EXOC2: variants seen among roughly 807,000 people sequenced by gnomAD.
EXOC2 encodes the protein exocyst complex component 2.
EXOC2 carries 70 observed loss-of-function variants against 131.8 expected under a neutral mutation model. The ratio of observed to expected loss-of-function variants is 0.53; its 90% CI spans 0.44 to 0.65. The LOEUF is 0.65. Ranked by LOEUF, EXOC2 falls within the 30% of genes least tolerant of loss-of-function variation. EXOC2 has a pLI of 0.00. For synonymous variants in EXOC2, 411 were observed against 398.4 expected (o/e 1.03, Z -0.38); for missense variants, 923 against 1,108.6 (o/e 0.83, Z 2.38).
chr6:491,560 T>C (rs1361472393), intron 25 of EXOC2, among the ~76,000 whole-genome samples: 2 of 152,264 alleles, frequency 1.3e-5, no homozygotes, highest in African/African-American at 4.8e-5. Context: ...AAAGGGCCCG[T>C]GTCCCACAGA....
intron 24 of EXOC2, among the ~76,000 whole-genome samples, chr6:498,771 G>A (rs971984372): frequency 2.6e-5 from 4 of 152,060 alleles, no homozygotes; most frequent in Non-Finnish European, 5.9e-5. Flanking sequence ...TGCAGCAGGC[G>A]GCATAAACCT....
intron 11 of EXOC2, among the ~76,000 whole-genome samples, chr6:588,596 G>A (rs778809143): frequency 1.4e-3 from 208 of 152,244 alleles, no homozygotes; most frequent in Non-Finnish European, 2.5e-3. Context: ...CTTGTGATCC[G>A]CCCGCCTCGG....
At chr6:667,937 T>G (rs1763690090) in intron 1 of EXOC2, among the ~76,000 whole-genome samples, 1 of 152,106 alleles carries the variant, frequency 6.6e-6, no homozygotes, top group South Asian at 2.1e-4. Flanking sequence ...TTGATTCTGT[T>G]TCTCTGGAAA....
Position 562,773 on chromosome 6 carries a change from C to G in EXOC2, c.1851+11G>C, listed in dbSNP as rs1757766313. The G allele has an allele frequency of 6.4e-7, 1 of 1,573,332 alleles. No homozygotes were observed. The highest frequency in any genetic ancestry group is 1.4e-5 in the African/African-American group (1 of 73,304). On this transcript the variant is annotated intron_variant, in intron 17 of 27. Transcript: ENST00000230449. ...ACTAATGACTAATAATTGAAAAGAA[C>G]TTAAACTTACTAGAGAAGTCAGTCC...
rs569391080 is a variant in EXOC2 at position 490,399 on chromosome 6, G to A, written c.2621+726C>T. 1.9e-3 allele frequency among the ~76,000 whole-genome samples: 282 copies of A among 152,270 alleles called. 1 individual carries two copies. Among genetic ancestry groups the A allele is most frequent in the African/African-American group, 6.5e-3 (268 of 41,540 alleles). ...AAAGGTGTGGCTCAACAGTGAACAT[G>A]GCCCACTAAAAATGGCTGCTGGTGA... On this transcript the variant is annotated intron_variant, in intron 26 of 27. Coordinates refer to ENST00000230449, the MANE Select transcript of EXOC2 (RefSeq NM_018303.6).
chr6:572,241 T>C (rs1758325826), intron 13 of EXOC2, among the ~76,000 whole-genome samples: 2 of 152,198 alleles, frequency 1.3e-5, no homozygotes, highest in African/African-American at 4.8e-5. Context: ...GAGTTCGAGC[T>C]TTCTTTTTTC....
At chr6:532,434 T>A (rs774963703) in intron 23 of EXOC2, 35 bp downstream of exon 23, 2 of 1,493,518 alleles carry the variant, frequency 1.3e-6, no homozygotes, top group Admixed American at 2.5e-5. Context: ...TAAAAGTATA[T>A]CCACATCTAT....
At chr6:641,066 T>A (rs1762331175) in intron 1 of EXOC2, among the ~76,000 whole-genome samples, 1 of 152,124 alleles carries the variant, frequency 6.6e-6, no homozygotes, top group Non-Finnish European at 1.5e-5. Context: ...ATGTAGTAAC[T>A]GACCACCGGT....
At position 491,031 on chromosome 6, in the gene EXOC2, G is replaced by A. The variant is rs192328099; in HGVS notation, c.2621+94C>T. On this transcript the variant is annotated intron_variant, in intron 26 of 27. Transcript: ENST00000230449. ...TCACATCACAAATTCATGAGCATGTGCTCTGATCAGTCATCTTTACAGAGG... is the reference window on the plus strand; with the variant it reads ...TCACATCACAAATTCATGAGCATGTACTCTGATCAGTCATCTTTACAGAGG... 2.3e-4 allele frequency: 294 copies of A among 1,269,422 alleles called. No homozygotes were observed. In the African/African-American group the frequency reaches 3.9e-3, roughly 17 times the overall value. The allele number at this position is 1,269,422 out of a possible 1,614,324, so 78.6% of individuals were successfully genotyped here.
In EXOC2 at chr6:599,064, T is replaced by C. The variant is rs201752992; in HGVS notation, c.888+16A>G. On this transcript the variant is annotated intron_variant, in intron 8 of 27. Transcript: ENST00000230449. ...ACATCTACAACCATATGTAAATAAA[T>C]AAACATGTACTCTACCTTTTGAATA... 6 of 1,593,192 alleles carry C rather than the reference T, an allele frequency of 3.8e-6. No individual in the cohort carries two copies. In the South Asian group the frequency reaches 4.6e-5, roughly 12 times the overall value.
intron 1 of EXOC2, among the ~76,000 whole-genome samples, chr6:652,900 C>T (rs1479887462): frequency 6.6e-6 from 1 of 152,176 alleles, no homozygotes; most frequent in Non-Finnish European, 1.5e-5. Context: ...CCTATCAGTG[C>T]CATTCTTCTA....
chr6:647,880 G>T (rs150561583), intron 1 of EXOC2, among the ~76,000 whole-genome samples: 43 of 151,912 alleles, frequency 2.8e-4, no homozygotes, highest in African/African-American at 1.0e-3. Flanking sequence ...GGCCACCATG[G>T]ATAGCCATGA....
intron 21 of EXOC2, 122 bp downstream of exon 21, chr6:553,732 G>A: frequency 1.4e-6 from 1 of 729,148 alleles, no homozygotes; most frequent in Non-Finnish European, 2.4e-6. Context: ...GAGCTCCAAA[G>A]CACAGCACAG....
chr6:608,281 C>T (rs1272178504), intron 7 of EXOC2, among the ~76,000 whole-genome samples: 2 of 152,246 alleles, frequency 1.3e-5, no homozygotes, highest in East Asian at 3.8e-4. Context: ...CCCAGGCTGG[C>T]TTAGCACGGG....
rs1388056079 is a variant in EXOC2, at chr6:618,729, G to C, written c.536+701C>G. The stretch of plus-strand genomic sequence containing the variant: ...GTGTATTAAAATGCCAACTTTTCCT[G>C]ATGTTTTCTAGTAATGCTTTTCACC... On this transcript the variant is annotated intron_variant, in intron 5 of 27. Transcript: ENST00000230449. 2.6e-5 allele frequency among the ~76,000 whole-genome samples: 4 copies of C among 152,236 alleles called. No individual in the cohort carries two copies. The East Asian group carries it at 5.8e-4, about 22-fold the overall frequency.
chr6:668,959 A>G (rs574545831), intron 1 of EXOC2: 1 of 152,326 alleles, frequency 6.6e-6, no homozygotes, highest in African/African-American at 2.4e-5. Context: ...ACCCATGGAT[A>G]TGGAGAGCTG....
intron 12 of EXOC2, 57 bp downstream of exon 12, chr6:576,700 T>C: frequency 6.9e-6 from 11 of 1,590,182 alleles, no homozygotes; most frequent in Non-Finnish European, 9.4e-6. Context: ...GAAGAATGTT[T>C]GAAATTACAC....
At chr6:577,009 T>C (rs1758622370) in intron 11 of EXOC2, 127 bp from the exon 12 acceptor site, 6 of 746,976 alleles carry the variant, frequency 8.0e-6, no homozygotes, top group Non-Finnish European at 1.0e-5. Flanking sequence ...ATAAGGCATT[T>C]ATTAAATAAA....
chr6:648,245 G>C (rs1762670162), intron 1 of EXOC2, among the ~76,000 whole-genome samples: 1 of 152,120 alleles, frequency 6.6e-6, no homozygotes, highest in South Asian at 2.1e-4. Flanking sequence ...CATACTACAA[G>C]ATAGTATGTT....
Sources: allele counts gnomAD v4.1 joint callset (sites outside exome capture counted in the v4.1 genomes callset), GRCh38; gene constraint gnomAD v4.1.1; transcripts MANE v1.5; gene names NCBI Gene and HGNC (gene_info 2026-07-23, HGNC 2026-07-21).